The following RHBDL3 variants were observed in gnomAD, a reference collection of about 807,000 sequenced individuals.
RHBDL3 encodes the protein rhomboid like 3, also known as rhomboid-related protein 3.
In RHBDL3, 28 loss-of-function variants were observed where a neutral mutation model predicts 48.2. That is an observed-to-expected ratio of 0.58 (90% CI 0.43 to 0.80). The LOEUF (loss-of-function observed/expected upper bound fraction) is 0.80. RHBDL3 is among the 30% of genes least tolerant of loss of function. RHBDL3 has a pLI of 0.00. For synonymous variants in RHBDL3, 208 were observed against 232.3 expected (o/e 0.90, Z 0.95); for missense variants, 464 against 542.7 (o/e 0.85, Z 1.44).
At chr17:32,283,772 T>G (rs2040127007) in intron 2 of RHBDL3, among the ~76,000 whole-genome samples, 1 of 152,156 alleles carries the variant, frequency 6.6e-6, no homozygotes, top group African/African-American at 2.4e-5. Context: ...GGGGATAAGT[T>G]GTGATACCGA....
chr17:32,299,855 C>CTTAATG (rs748939456), intron 6 of RHBDL3, among the ~76,000 whole-genome samples: 17 of 152,158 alleles, frequency 1.1e-4, no homozygotes, highest in Non-Finnish European at 2.4e-4. Flanking sequence ...GACCAGAGGG[C>CTTAATG]ACTCTGGTCA....
At chr17:32,318,524 C>T (rs928163109) in intron 8 of RHBDL3, among the ~76,000 whole-genome samples, 6 of 142,308 alleles carry the variant, frequency 4.2e-5, no homozygotes, top group Admixed American at 2.8e-4. Flanking sequence ...TTTTCTCATC[C>T]AGTCCTCCAA....
At chr17:32,295,284 C>T (rs1159635084) in intron 5 of RHBDL3, among the ~76,000 whole-genome samples, 2 of 152,222 alleles carry the variant, frequency 1.3e-5, no homozygotes, top group African/African-American at 4.8e-5. Flanking sequence ...GTCCCATGAG[C>T]CTCCCTTCCC....
chr17:32,283,604 T>C (rs561094290), intron 2 of RHBDL3, among the ~76,000 whole-genome samples: 13 of 152,304 alleles, frequency 8.5e-5, no homozygotes, highest in Middle Eastern at 3.4e-3. Flanking sequence ...ATTACAGGCT[T>C]GAGCCACTGC....
chr17:32,287,679 G>A (rs2040229351), intron 3 of RHBDL3, among the ~76,000 whole-genome samples: 1 of 152,188 alleles, frequency 6.6e-6, no homozygotes, highest in African/African-American at 2.4e-5. Flanking sequence ...TACCTCACCA[G>A]CCCACAGGGC....
At position 32,297,461 on chromosome 17, in the gene RHBDL3, C is replaced by CA. The variant is rs563032817; in HGVS notation, c.669-625dup. ...TAGTTGACAGAGCAACACTCCATCT[C>CA]AAAAAACAAAACAAAACAAAAACAA... On this transcript the variant is annotated intron_variant, in intron 5 of 8. Coordinates refer to ENST00000269051, the MANE Select transcript of RHBDL3 (RefSeq NM_138328.3). 1.3e-3 allele frequency among the ~76,000 whole-genome samples: 192 copies of CA among 151,922 alleles called. 1 individual carries two copies. The highest frequency in any genetic ancestry group is 4.3e-3 in the African/African-American group (179 of 41,452).
chr17:32,285,873 G>A (rs564608747), intron 3 of RHBDL3, among the ~76,000 whole-genome samples: 6 of 152,348 alleles, frequency 3.9e-5, no homozygotes, highest in Non-Finnish European at 1.5e-5. Flanking sequence ...TGAGCGCTCT[G>A]ATGTGGATGC....
chr17:32,296,877 G>A (rs1221785681), intron 5 of RHBDL3, among the ~76,000 whole-genome samples: 4 of 151,008 alleles, frequency 2.6e-5, no homozygotes, highest in African/African-American at 4.9e-5. Context: ...GCAATGGTGC[G>A]ATCTCGGCTC....
chr17:32,318,144 A>G (rs2041019849), intron 8 of RHBDL3, among the ~76,000 whole-genome samples: 1 of 151,884 alleles, frequency 6.6e-6, no homozygotes, highest in South Asian at 2.1e-4. Context: ...TGAGCCTAGG[A>G]GTTCAATACC....
At chr17:32,291,092 A>C (rs1597646672) in intron 4 of RHBDL3, among the ~76,000 whole-genome samples, 1 of 151,846 alleles carries the variant, frequency 6.6e-6, no homozygotes, top group South Asian at 2.1e-4. Context: ...CAGCACTTTC[A>C]AAGGCCGAGG....
At chr17:32,309,328 G>A (rs573086729) in intron 7 of RHBDL3, among the ~76,000 whole-genome samples, 5 of 151,994 alleles carry the variant, frequency 3.3e-5, no homozygotes, top group African/African-American at 9.6e-5. Context: ...CGAGGCAGGC[G>A]GATCAACTGA....
intron 6 of RHBDL3, among the ~76,000 whole-genome samples, chr17:32,301,879 GC>G (rs1282603971): frequency 7.5e-6 from 1 of 132,470 alleles, no homozygotes; most frequent in Non-Finnish European, 1.7e-5. Context: ...TAAATGTTCT[GC>G]CAATTTTTAT....
rs2150681260 is a variant in RHBDL3 at position 32,266,181 on chromosome 17, G to T, written c.-9G>T. On this transcript the variant is annotated 5_prime_UTR_variant, in exon 1 of 9. Transcript: ENST00000269051. The stretch of plus-strand genomic sequence containing the variant: ...GCAGCCGCCGCCGCCCCCGGACCCC[G>T]TCTCGGCCATGGGCGAGCACCCCAG... The T allele has an allele frequency of 8.4e-7, 1 of 1,186,098 alleles. No homozygotes were observed. The highest frequency in any genetic ancestry group is 1.6e-5 in the African/African-American group (1 of 62,686). 73.5% of individuals were successfully genotyped at this position (1,186,098 alleles called of 1,614,324 possible).
chr17:32,301,126 C>T (rs111306870), intron 6 of RHBDL3, among the ~76,000 whole-genome samples: 4,323 of 152,142 alleles, frequency 0.028, 81 homozygotes, highest in Non-Finnish European at 0.038. Context: ...ATGATCCACC[C>T]GCCTTGGCCT....
chr17:32,266,993 G>C (rs538760119), intron 1 of RHBDL3, among the ~76,000 whole-genome samples: 2 of 152,078 alleles, frequency 1.3e-5, no homozygotes, highest in Non-Finnish European at 2.9e-5. Flanking sequence ...CCATCCCTCC[G>C]GTCCTGCGGG....
Position 32,321,019 on chromosome 17 carries a change from C to A in RHBDL3, c.1005C>A (p.Cys335Ter), listed in dbSNP as rs750627621. 6.2e-7 allele frequency: 1 copy of A among 1,614,206 alleles called. No individual in the cohort carries two copies. Among genetic ancestry groups the A allele is most frequent in the Non-Finnish European group, 8.5e-7 (1 of 1,180,030 alleles). The change falls in exon 9 of 9, where the codon TGC (cysteine) becomes TGA (stop). Residue 335 changes from cysteine to a stop codon, truncating the protein, a stop_gained. Transcript: ENST00000269051. LOFTEE classifies it high-confidence loss of function. ...TCCACCCGTCGGCCTATCCCCCGTG[C>A]CCTCACCCAAGCTTTGTGGCGCACT... is the stretch of plus-strand genomic sequence containing the variant. ...LRFHPSAYPP[C>*]PHPSFVAHLG...
In RHBDL3 at chr17:32,298,028, T is replaced by TTGAA. The variant is rs528998601; in HGVS notation, c.669-38_669-35dup. The TTGAA allele has an allele frequency of 2.7e-3, 3,323 of 1,212,670 alleles. 43 individuals carry two copies. The African/African-American group carries it at 0.033, about 12-fold the overall frequency. 75.1% of individuals were successfully genotyped at this position (1,212,670 alleles called of 1,614,324 possible). ...GCATCTTGGGGGATGCAGGTGTTTG[T>TTGAA]TGAATGAATGAATGAATGAATGAAT... On this transcript the variant is annotated intron_variant, in intron 5 of 8. Transcript: ENST00000269051.
At position 32,289,007 on chromosome 17, in the gene RHBDL3, G is replaced by A. The variant is rs768077438; in HGVS notation, c.510G>A (p.Thr170=). ...CPPPWFMITV[T]LLEVAFFLYN... ...CACCCTGGTTCATGATCACAGTCACGCTGCTGGAGGCAAGGACAAGGGTGG... is the reference window on the plus strand; with the variant it reads ...CACCCTGGTTCATGATCACAGTCACACTGCTGGAGGCAAGGACAAGGGTGG... The change falls in exon 4 of 9, where the codon ACG becomes ACA. Residue 170 remains threonine (T), a synonymous_variant. Transcript: ENST00000269051. The A allele has an allele frequency of 2.3e-5, 37 of 1,613,906 alleles. No individual in the cohort carries two copies. The highest frequency in any genetic ancestry group is 1.2e-4 in the South Asian group (11 of 91,084).
Position 32,321,117 on chromosome 17 carries a change from A to G in RHBDL3, c.1103A>G (p.Gln368Arg), listed in dbSNP as rs1463814706. ...AACTACGAGCAGAGGCTCCAGGACC[A>G]GTCACTGTGGTGGATTTTTGTGGCC... ...LRNYEQRLQD[Q>R]SLWWIFVAMY... The change falls in exon 9 of 9, where the codon CAG becomes CGG. Residue 368 changes from glutamine (Q) to arginine (R), a missense_variant. Physicochemically the swap from Gln to Arg is conservative, Grantham distance 43. Transcript: ENST00000269051. 2.5e-6 allele frequency: 4 copies of G among 1,614,262 alleles called. No homozygotes were observed. In the South Asian group the frequency reaches 3.3e-5, roughly 13 times the overall value.
Sources: allele counts gnomAD v4.1 joint callset (sites outside exome capture counted in the v4.1 genomes callset), GRCh38; gene constraint gnomAD v4.1.1; transcripts MANE v1.5; gene names NCBI Gene and HGNC (gene_info 2026-07-23, HGNC 2026-07-21).